ERC1: variants seen among roughly 807,000 people sequenced by gnomAD.
ERC1 encodes the protein ELKS/RAB6-interacting/CAST family member 1.
ERC1 carries 56 observed loss-of-function variants against 132.0 expected under a neutral mutation model. The observed-to-expected ratio is 0.42, with a 90% CI of 0.34 to 0.53. ERC1 has a LOEUF of 0.53. ERC1 is among the 20% of genes least tolerant of loss of function. The pLI is 0.03. For missense variants in ERC1, 1,202 were observed against 1,349.9 expected, an observed-to-expected ratio of 0.89 and a Z score of 1.72; for synonymous variants, 478 against 476.1, an observed-to-expected ratio of 1.00 and a Z score of -0.05.
intron 1 of ERC1, among the ~76,000 whole-genome samples, chr12:994,785 G>A (rs1167761948): frequency 6.6e-6 from 1 of 151,922 alleles, no homozygotes; most frequent in Non-Finnish European, 1.5e-5. Context: ...AACATAGCGA[G>A]ACCATGTCTC....
Position 1,093,957 on chromosome 12 carries a change from CTATATATATATA to C in ERC1, c.1086+10394_1086+10405del, listed in dbSNP as rs202076174. Reference sequence around the variant, plus strand: ...TTTCTATATAAATATATATATTTTTCTATATATATATATATATATATATATATAGAAAAACAT... The same window carrying C: ...TTTCTATATAAATATATATATTTTTCTATATATATATATATAGAAAAACAT... On this transcript the variant is annotated intron_variant, in intron 3 of 18. Transcript: ENST00000360905. Among the ~76,000 whole-genome samples the C allele has an allele frequency of 9.3e-4, 64 of 68,890 alleles. 3 individuals are homozygous for C. Among genetic ancestry groups the C allele is most frequent in the South Asian group, 5.4e-3 (9 of 1,654 alleles). The allele number at this position is 68,890 out of a possible 152,430, so 45.2% of individuals were successfully genotyped here.
chr12:1,164,549 C>G, intron 8 of ERC1, among the ~76,000 whole-genome samples: 1 of 151,912 alleles, frequency 6.6e-6, no homozygotes, highest in East Asian at 1.9e-4. Flanking sequence ...ACCGTGTTAG[C>G]CAGGATGGTC....
At chr12:1,444,987 G>T in intron 18 of ERC1, 1 of 400,740 alleles carries the variant, frequency 2.5e-6, no homozygotes, top group East Asian at 3.8e-5. Flanking sequence ...TTTTTAAACT[G>T]ATTTTTAATT....
chr12:1,122,587 C>CTATCTCTA (rs1566021563), intron 7 of ERC1, among the ~76,000 whole-genome samples: 17 of 6,846 alleles, frequency 2.5e-3, no homozygotes, highest in African/African-American at 3.3e-3. Flanking sequence ...ATCTCTATCT[C>CTATCTCTA]TATCTCTATC....
intron 2 of ERC1, among the ~76,000 whole-genome samples, chr12:1,068,041 C>T (rs73608421): frequency 0.019 from 2,862 of 151,028 alleles, 80 homozygotes; most frequent in African/African-American, 0.066. Context: ...AAGTGATTCT[C>T]CTGCCTCAGC....
chr12:1,411,506 A>C (rs1313875725), intron 17 of ERC1, among the ~76,000 whole-genome samples: 2 of 152,138 alleles, frequency 1.3e-5, no homozygotes, highest in African/African-American at 2.4e-5. Context: ...GAAGCTGTCC[A>C]GATGGCTTTA....
At chr12:1,145,328 T>TTA (rs935417428) in intron 8 of ERC1, among the ~76,000 whole-genome samples, 5 of 152,248 alleles carry the variant, frequency 3.3e-5, no homozygotes, top group African/African-American at 1.2e-4. Flanking sequence ...TTGTTGAGCT[T>TTA]TAGTATGTTT....
At chr12:1,129,126 C>T (rs1336936716) in intron 7 of ERC1, among the ~76,000 whole-genome samples, 1 of 151,674 alleles carries the variant, frequency 6.6e-6, no homozygotes, top group African/African-American at 2.4e-5. Flanking sequence ...TATTCTTGAG[C>T]AGGAAAATAT....
intron 13 of ERC1, among the ~76,000 whole-genome samples, chr12:1,238,785 A>G (rs929838866): frequency 2.0e-5 from 3 of 152,270 alleles, no homozygotes; most frequent in South Asian, 4.1e-4. Flanking sequence ...CTCAGTTGTT[A>G]TAACACCAAA....
chr12:1,385,855 G>T (rs1478509688), intron 16 of ERC1: 1 of 152,086 alleles, frequency 6.6e-6, no homozygotes, highest in African/African-American at 2.4e-5. Flanking sequence ...ATGAGACTAA[G>T]TGGGTCTCTT....
chr12:1,477,839 A>G (rs564999335), intron 18 of ERC1, among the ~76,000 whole-genome samples: 2 of 152,312 alleles, frequency 1.3e-5, no homozygotes, highest in African/African-American at 2.4e-5. Context: ...TAAACTTTCT[A>G]TGCCTGGAAT....
chr12:1,433,634 A>T (rs552500043), intron 17 of ERC1, among the ~76,000 whole-genome samples: 1 of 152,276 alleles, frequency 6.6e-6, no homozygotes, highest in African/African-American at 2.4e-5. Flanking sequence ...TTAGAAGTGT[A>T]TCTGACCAAT....
In ERC1 at chr12:1,122,601, GT is replaced by G. The variant is rs1566021734; in HGVS notation, c.1569+6569del. Among the ~76,000 whole-genome samples, 29 of 4,374 alleles carry G rather than the reference GT, an allele frequency of 6.6e-3. 4 individuals are homozygous for G. The highest frequency in any genetic ancestry group is 0.02 in the South Asian group (2 of 98). 2.9% of individuals were successfully genotyped at this position (4,374 alleles called of 152,430 possible). A position where few individuals can be genotyped will look rare whatever the true frequency, so the allele number is the denominator to read the frequency against. ...TATCTCTATCTCTATCTCTATCTGT[GT>G]CTCTATCTCTATCTCTATCTGTGTC... On this transcript the variant is annotated intron_variant, in intron 7 of 18. Coordinates refer to ENST00000360905, the MANE Select transcript of ERC1 (RefSeq NM_178040.4).
At chr12:1,112,610 T>C (rs1946012579) in intron 6 of ERC1, among the ~76,000 whole-genome samples, 1 of 152,250 alleles carries the variant, frequency 6.6e-6, no homozygotes, top group African/African-American at 2.4e-5. Context: ...TTGGTTTATA[T>C]GAATGGCGGC....
In ERC1 at chr12:1,028,083, A is replaced by G. The variant is rs1371158410; in HGVS notation, c.180A>G (p.Gln60=). 2 of 1,614,010 alleles carry G rather than the reference A, an allele frequency of 1.2e-6. No individual in the cohort carries two copies. Among genetic ancestry groups the G allele is most frequent in the African/African-American group, 2.7e-5 (2 of 74,900 alleles). Residue 60 remains glutamine, a synonymous_variant, in exon 2 of 19, where the codon CAA becomes CAG. Coordinates refer to ENST00000360905, the MANE Select transcript of ERC1 (RefSeq NM_178040.4). Reference sequence around the variant, plus strand: ...AAACCCTTTCAATGGAAAATATACAATCTTTAAATGCTGCCTATGCCACCT... The same window carrying G: ...AAACCCTTTCAATGGAAAATATACAGTCTTTAAATGCTGCCTATGCCACCT... ...SGKTLSMENI[Q]SLNAAYATSG... is the part of the protein sequence containing the mutation.
At chr12:1,368,329 A>G (rs2086857769) in intron 15 of ERC1, among the ~76,000 whole-genome samples, 1 of 152,182 alleles carries the variant, frequency 6.6e-6, no homozygotes, top group Non-Finnish European at 1.5e-5. Flanking sequence ...TTTTCTTTAT[A>G]CTTTTCTGTA....
intron 11 of ERC1, 87 bp from the exon 12 acceptor site, chr12:1,189,772 A>C: frequency 1.9e-6 from 2 of 1,043,364 alleles, no homozygotes; most frequent in Non-Finnish European, 2.7e-6. Context: ...TCTGTACTTA[A>C]ATTGGAATAT....
At chr12:1,254,828 G>A (rs2076687934) in intron 13 of ERC1, among the ~76,000 whole-genome samples, 2 of 152,088 alleles carry the variant, frequency 1.3e-5, no homozygotes, top group Non-Finnish European at 2.9e-5. Context: ...TCGTACGTAT[G>A]TATGGTGATG....
intron 16 of ERC1, among the ~76,000 whole-genome samples, chr12:1,377,766 G>A (rs968517637): frequency 2.6e-5 from 4 of 152,056 alleles, no homozygotes; most frequent in Non-Finnish European, 4.4e-5. Context: ...ATGAAGTTGC[G>A]GTTGAAAAGA....
Sources: gnomAD v4.1 joint callset for allele counts (sites outside exome capture counted in the v4.1 genomes callset) on GRCh38, gnomAD v4.1.1 for gene constraint, MANE v1.5 for transcripts, NCBI Gene and HGNC (gene_info 2026-07-23, HGNC 2026-07-21) for gene names.